CPLX2: variants seen among roughly 807,000 people sequenced by gnomAD.
The protein encoded by CPLX2 is complexin-2.
In CPLX2, 5 loss-of-function variants were observed where a neutral mutation model predicts 16.3. The ratio of observed to expected loss-of-function variants is 0.31; its 90% CI spans 0.16 to 0.64. The LOEUF is 0.64. Ranked by LOEUF, CPLX2 falls within the 30% of genes least tolerant of loss-of-function variation. CPLX2 has a pLI of 0.79. For missense variants in CPLX2, 144 were observed against 181.4 expected (o/e 0.79, Z 1.18); for synonymous variants, 89 against 73.2 (o/e 1.22, Z -1.10).
At chr5:175,827,157 C>T (rs1299582356) in intron 2 of CPLX2, among the ~76,000 whole-genome samples, 1 of 152,168 alleles carries the variant, frequency 6.6e-6, no homozygotes, top group Non-Finnish European at 1.5e-5. Flanking sequence ...GTCACATGCC[C>T]TTCCCTGCAC....
chr5:175,841,339 G>A (rs1368182561), intron 2 of CPLX2, among the ~76,000 whole-genome samples: 5 of 152,314 alleles, frequency 3.3e-5, no homozygotes, highest in South Asian at 4.1e-4. Flanking sequence ...CAAGCTCCCA[G>A]CAGGTGCACA....
chr5:175,811,904 C>T (rs988481318), intron 2 of CPLX2, among the ~76,000 whole-genome samples: 5 of 152,164 alleles, frequency 3.3e-5, no homozygotes, highest in African/African-American at 1.2e-4. Context: ...GCAATAGAAG[C>T]CTTTCTTACT....
At chr5:175,833,414 G>T (rs1042858426) in intron 2 of CPLX2, among the ~76,000 whole-genome samples, 4 of 152,244 alleles carry the variant, frequency 2.6e-5, no homozygotes, top group Admixed American at 2.6e-4. Flanking sequence ...GGCCTCTAGG[G>T]TGCTCAAGTC....
At chr5:175,877,883 G>A (rs1475557393) in intron 1 of CPLX2, among the ~76,000 whole-genome samples, 1 of 152,222 alleles carries the variant, frequency 6.6e-6, no homozygotes, top group Non-Finnish European at 1.5e-5. Flanking sequence ...TTTAGGAAGA[G>A]GAGTAGGGTG....
rs571207171 is a variant in CPLX2, at chr5:175,855,660, G to A, written c.-88-22992G>A. Among the ~76,000 whole-genome samples, 4 of 152,246 alleles carry A rather than the reference G, an allele frequency of 2.6e-5. No homozygotes were observed. In the South Asian group the frequency reaches 6.2e-4, roughly 24 times the overall value. On this transcript the variant is annotated intron_variant, in intron 2 of 4. Transcript: ENST00000359546. ...TGTGACCCTGCAGCTTCAGGCTCAT[G>A]CTTTCCCAGCTCAGTAAGTCCAACA...
intron 2 of CPLX2, among the ~76,000 whole-genome samples, chr5:175,822,336 C>T (rs886917138): frequency 1.3e-5 from 2 of 152,188 alleles, no homozygotes; most frequent in Admixed American, 6.5e-5. Context: ...TGGTAGACCA[C>T]GTGGACTTTG....
At chr5:175,871,429 G>GAGAGAGAGAGAGAGAGAGAGAA (rs1561790305), upstream of CPLX2, 1 of 91,310 alleles carries the variant, frequency 1.1e-5, no homozygotes, top group African/African-American at 4.0e-5. Context: ...GAGAGAGAGA[G>GAGAGAGAGAGAGAGAGAGAGAA]AGACAGAGAG....
At chr5:175,817,929 G>A (rs1258809786) in intron 2 of CPLX2, among the ~76,000 whole-genome samples, 1 of 152,156 alleles carries the variant, frequency 6.6e-6, no homozygotes, top group East Asian at 1.9e-4. Context: ...TCAACCTAGG[G>A]TTAAGTGTGG....
At chr5:175,877,577 C>T (rs192900500) in intron 1 of CPLX2, among the ~76,000 whole-genome samples, 4 of 152,276 alleles carry the variant, frequency 2.6e-5, no homozygotes, top group Admixed American at 1.3e-4. Flanking sequence ...GGATAGCTCA[C>T]GGATGTCCCC....
chr5:175,821,047 G>A (rs769011897), intron 2 of CPLX2, among the ~76,000 whole-genome samples: 1 of 152,016 alleles, frequency 6.6e-6, no homozygotes, highest in Non-Finnish European at 1.5e-5. Context: ...GGTTGTCCTG[G>A]GATTTGGCAA....
At chr5:175,838,198 C>T (rs887507087) in intron 2 of CPLX2, among the ~76,000 whole-genome samples, 2 of 151,582 alleles carry the variant, frequency 1.3e-5, no homozygotes, top group African/African-American at 2.4e-5. Context: ...GACAGGGCGC[C>T]GTCAGCTGCC....
At position 175,872,099 on chromosome 5, in the gene CPLX2, G is replaced by C. The variant is rs995042565; in HGVS notation, c.-89+394G>C. On this transcript the variant is annotated intron_variant, in intron 1 of 3. Coordinates refer to ENST00000393745, the MANE Select transcript of CPLX2 (RefSeq NM_001008220.2). The surrounding 1 kb of genome is among the most constrained non-coding windows in gnomAD (Gnocchi z 5.0). ...TGAGCTCGCGGGAGTGGGGGACGTC[G>C]ATCTAAGCTACTTCTGGCTGTGCTT... 75 of 152,240 alleles carry C rather than the reference G, an allele frequency of 4.9e-4. No homozygotes were observed. The highest frequency in any genetic ancestry group is 1.7e-3 in the African/African-American group (69 of 41,446). The allele number at this position is 152,240 out of a possible 1,614,324, so 9.4% of individuals were successfully genotyped here. A position where few individuals can be genotyped will look rare whatever the true frequency, so the allele number is the denominator to read the frequency against.
chr5:175,824,974 C>T (rs1758584707), intron 2 of CPLX2, among the ~76,000 whole-genome samples: 1 of 152,256 alleles, frequency 6.6e-6, no homozygotes, highest in South Asian at 2.1e-4. Flanking sequence ...AATGATCTCA[C>T]CCCTCTGAGC....
Position 175,878,942 on chromosome 5 carries a change from A to AGAGGAG in CPLX2, c.70_75dup (p.Glu24_Glu25dup). 1 of 1,607,624 alleles carries AGAGGAG rather than the reference A, an allele frequency of 6.2e-7. No individual in the cohort carries two copies. On this transcript the variant is annotated inframe_insertion, in exon 3 of 4. Coordinates refer to ENST00000393745, the MANE Select transcript of CPLX2 (RefSeq NM_001008220.2). ...AGGACATGGGGAAGATGCTGGGGGGAGAGGAGGAGAAGGACCCCGACGCGC... is the reference window on the plus strand; with the variant it reads ...AGGACATGGGGAAGATGCTGGGGGGAGAGGAGGAGGAGGAGAAGGACCCCGACGCGC...
In CPLX2 at chr5:175,882,907, G is replaced by A. The variant is rs1265033253; in HGVS notation, c.*2862G>A. On this transcript the variant is annotated 3_prime_UTR_variant, in exon 4 of 4. Coordinates refer to ENST00000393745, the MANE Select transcript of CPLX2 (RefSeq NM_001008220.2). ...GCACAGAATACGTGAGAGTTGCTCT[G>A]GCAGGGGCAGAATCCTCACAGGATC... 1 of 152,396 alleles carries A rather than the reference G, an allele frequency of 6.6e-6. No homozygotes were observed. The highest frequency in any genetic ancestry group is 1.5e-5 in the Non-Finnish European group (1 of 68,134). 9.4% of individuals were successfully genotyped at this position (152,396 alleles called of 1,614,324 possible). A position where few individuals can be genotyped will look rare whatever the true frequency, so the allele number is the denominator to read the frequency against.
intron 3 of CPLX2, among the ~76,000 whole-genome samples, chr5:175,879,338 G>T (rs568522737): frequency 6.6e-6 from 1 of 152,334 alleles, no homozygotes; most frequent in East Asian, 1.9e-4. Flanking sequence ...TCGTACTGCA[G>T]ATCTTTGGGA....
chr5:175,826,349 G>A (rs897283760), intron 2 of CPLX2, among the ~76,000 whole-genome samples: 1 of 152,160 alleles, frequency 6.6e-6, no homozygotes, highest in Non-Finnish European at 1.5e-5. Flanking sequence ...TGGACAAAAG[G>A]TAGGGCAGGA....
At chr5:175,799,514 A>T (rs1758047825) in intron 1 of CPLX2, among the ~76,000 whole-genome samples, 1 of 138,704 alleles carries the variant, frequency 7.2e-6, no homozygotes, top group Non-Finnish European at 1.5e-5. Context: ...GTTGGTCTTG[A>T]TCTTTGAGAT....
intron 2 of CPLX2, among the ~76,000 whole-genome samples, chr5:175,841,274 A>G (rs575779996): frequency 6.6e-6 from 1 of 152,296 alleles, no homozygotes; most frequent in East Asian, 1.9e-4. Context: ...CAACACGGAG[A>G]CAGACACTCA....
Sources: allele counts gnomAD v4.1 joint callset (sites outside exome capture counted in the v4.1 genomes callset), GRCh38; gene constraint gnomAD v4.1.1; non-coding constraint Gnocchi (gnomAD v3.1); transcripts MANE v1.5; gene names NCBI Gene and HGNC (gene_info 2026-07-23, HGNC 2026-07-21).